Variants in ZFHX3 observed in about 807,000 individuals in gnomAD.
The protein encoded by ZFHX3 is zinc finger homeobox 3.
ZFHX3 carries 42 observed loss-of-function variants against 279.1 expected under a neutral mutation model. That is an observed-to-expected ratio of 0.15 (90% CI 0.12 to 0.19). The LOEUF (loss-of-function observed/expected upper bound fraction) is 0.19. Ranked by LOEUF, ZFHX3 falls within the 10% of genes least tolerant of loss-of-function variation. ZFHX3 has a pLI of 1.00. For synonymous variants in ZFHX3, 2,293 were observed against 1,957.8 expected, an observed-to-expected ratio of 1.17 and a Z score of -4.52; for missense variants, 4,981 against 4,754.0, an observed-to-expected ratio of 1.05 and a Z score of -1.40.
chr16:73,515,781 T>A (rs2019510632), intron 2 of ZFHX3, among the ~76,000 whole-genome samples: 2 of 152,218 alleles, frequency 1.3e-5, no homozygotes, highest in African/African-American at 2.4e-5. Flanking sequence ...GAGACGTTTC[T>A]TGGAGCCGTA....
At chr16:73,028,439 A>G (rs1464629511) in intron 1 of ZFHX3, among the ~76,000 whole-genome samples, 4 of 152,136 alleles carry the variant, frequency 2.6e-5, no homozygotes, top group Non-Finnish European at 5.9e-5. Context: ...AGGGCTCCAG[A>G]GCCCGGGGCA....
Position 72,889,978 on chromosome 16 carries a change from G to T in ZFHX3, c.3217-16C>A. On this transcript the variant is annotated splice_polypyrimidine_tract_variant and intron_variant, in intron 3 of 9. Coordinates refer to ENST00000268489, the MANE Select transcript of ZFHX3 (RefSeq NM_006885.4). Reference sequence around the variant, plus strand: ...GCTGCAGGTGCTGCAAGTAACAAAAGAGAAAGACATGCCTTGGGTAAGCCA... The same window carrying T: ...GCTGCAGGTGCTGCAAGTAACAAAATAGAAAGACATGCCTTGGGTAAGCCA... The T allele has an allele frequency of 6.2e-7, 1 of 1,607,450 alleles. No individual in the cohort carries two copies. The highest frequency in any genetic ancestry group is 8.5e-7 in the Non-Finnish European group (1 of 1,177,704).
chr16:73,000,711 A>G (rs965069889), intron 1 of ZFHX3, among the ~76,000 whole-genome samples: 1 of 152,206 alleles, frequency 6.6e-6, no homozygotes, highest in Non-Finnish European at 1.5e-5. Context: ...TACGCTAGAC[A>G]TGCCACACCC....
intron 2 of ZFHX3, among the ~76,000 whole-genome samples, chr16:73,486,069 CAGA>C (rs1337179229): frequency 6.6e-6 from 1 of 152,174 alleles, no homozygotes; most frequent in Non-Finnish European, 1.5e-5. Context: ...TCTGATTATT[CAGA>C]AGCTTAATTG....
intron 2 of ZFHX3, among the ~76,000 whole-genome samples, chr16:73,540,334 A>G (rs1401739926): frequency 6.6e-6 from 1 of 152,236 alleles, no homozygotes; most frequent in African/African-American, 2.4e-5. Flanking sequence ...AAATAGTTAA[A>G]GTCACTTTAA....
At chr16:73,867,982 C>T (rs759574818) in intron 1 of ZFHX3, among the ~76,000 whole-genome samples, 47 of 152,192 alleles carry the variant, frequency 3.1e-4, no homozygotes, top group Non-Finnish European at 1.3e-4. Context: ...TTCTCCCTAG[C>T]GCTGGGTGCC....
At chr16:73,356,202 G>A (rs1187216461) in intron 3 of ZFHX3, among the ~76,000 whole-genome samples, 1 of 152,172 alleles carries the variant, frequency 6.6e-6, no homozygotes, top group East Asian at 1.9e-4. Flanking sequence ...CACTGGATAA[G>A]CTACTTCGGT....
At position 72,950,866 on chromosome 16, in the gene ZFHX3, G is replaced by A. The variant is rs769225828; in HGVS notation, c.2819C>T (p.Pro940Leu). The change falls in exon 3 of 10, where the codon CCG (proline) becomes CTG (leucine). Residue 940 changes from proline (P) to leucine (L), a missense_variant. By Grantham distance (98) the Pro-to-Leu change is moderately conservative (BLOSUM62 -3). Around this residue, in one of 7 missense-constraint regions of ZFHX3, gnomAD observed 1,751 missense variants for 1,770.0 expected, o/e 0.99. Coordinates refer to ENST00000268489, the MANE Select transcript of ZFHX3 (RefSeq NM_006885.4). ...GGCGCACTGGAAGAGCTTCAGCGAC[G>A]GGTCGTTGGTCTGGATGAAGCTCTC... ...LGESFIQTNDPSLKLFQCAVC... is the reference protein window; with the variant it reads ...LGESFIQTNDLSLKLFQCAVC... The A allele has an allele frequency of 1.1e-5, 17 of 1,613,888 alleles. No individual in the cohort carries two copies. The highest frequency in any genetic ancestry group is 9.3e-5 in the African/African-American group (7 of 74,916).
intron 2 of ZFHX3, among the ~76,000 whole-genome samples, chr16:73,532,309 C>A (rs1030816902): frequency 2.1e-4 from 32 of 151,950 alleles, no homozygotes; most frequent in Admixed American, 4.6e-4. Context: ...ATGGGGAGAC[C>A]CTTTTCGTTT....
chr16:73,014,302 AT>A (rs111944167), intron 1 of ZFHX3: 59,215 of 140,772 alleles, frequency 0.42, 11,867 homozygotes, highest in Non-Finnish European at 0.46. Flanking sequence ...GGTTTTTTGC[AT>A]TTTTTTTTTT....
intron 3 of ZFHX3, among the ~76,000 whole-genome samples, chr16:73,407,535 A>G (rs2017385424): frequency 6.6e-6 from 1 of 152,178 alleles, no homozygotes; most frequent in Admixed American, 6.5e-5. Context: ...GTACAGTTCA[A>G]TGACTTGCAA....
At chr16:73,122,562 T>C (rs1489825499) in intron 7 of ZFHX3, among the ~76,000 whole-genome samples, 2 of 152,088 alleles carry the variant, frequency 1.3e-5, no homozygotes, top group East Asian at 3.9e-4. Context: ...GGAGGTCAAG[T>C]CTTTTGGCTG....
intron 5 of ZFHX3, among the ~76,000 whole-genome samples, chr16:73,150,018 C>T (rs1191082861): frequency 1.3e-5 from 2 of 152,098 alleles, no homozygotes; most frequent in African/African-American, 4.8e-5. Flanking sequence ...CAGTTTGATT[C>T]CAGAATGGTC....
At chr16:73,798,680 C>T (rs427478) in intron 1 of ZFHX3, among the ~76,000 whole-genome samples, 57,782 of 151,868 alleles carry the variant, frequency 0.38, 11,530 homozygotes, top group African/African-American at 0.52. Flanking sequence ...TTGTACATCA[C>T]AGATGACAGA....
In ZFHX3 at chr16:72,788,630, C is replaced by T; in HGVS notation, c.9646G>A (p.Ala3216Thr). Residue 3216 changes from alanine to threonine, a missense_variant, in exon 10 of 10, where the codon GCC becomes ACC. Physicochemically the swap from Ala to Thr is moderately conservative, Grantham distance 58. This residue lies in a region of ZFHX3 where 1,034 missense variants were observed against 786.0 expected (regional missense o/e 1.32). Transcript: ENST00000268489. ...AGCTGTGGTGTGGGTGGCGGCTGGG[C>T]TGCTGGCGGCGGGGGAGGCTGCTGC... ...QVQQPPPPPAAQPPPTPQLPL... is the reference protein window; with the variant it reads ...QVQQPPPPPATQPPPTPQLPL... 2 of 1,613,244 alleles carry T rather than the reference C, an allele frequency of 1.2e-6. No homozygotes were observed. The highest frequency in any genetic ancestry group is 1.7e-6 in the Non-Finnish European group (2 of 1,179,698).
At chr16:72,801,339 T>G (rs1224260607) in intron 7 of ZFHX3, among the ~76,000 whole-genome samples, 5 of 152,200 alleles carry the variant, frequency 3.3e-5, no homozygotes, top group Admixed American at 3.3e-4. Context: ...TTGGAATACG[T>G]AGATTTCTGT....
intron 5 of ZFHX3, among the ~76,000 whole-genome samples, chr16:72,826,344 T>C (rs1253563206): frequency 6.6e-6 from 1 of 152,158 alleles, no homozygotes; most frequent in South Asian, 2.1e-4. Flanking sequence ...TCCAGGCCCA[T>C]CTGAAATATT....
intron 4 of ZFHX3, among the ~76,000 whole-genome samples, chr16:72,843,250 C>T (rs1482766768): frequency 6.6e-6 from 1 of 151,972 alleles, no homozygotes; most frequent in African/African-American, 2.4e-5. Flanking sequence ...GTGGCTCACA[C>T]CTGTAATCTC....
At chr16:73,838,550 T>G (rs560602485) in intron 1 of ZFHX3, among the ~76,000 whole-genome samples, 1 of 152,176 alleles carries the variant, frequency 6.6e-6, no homozygotes, top group Non-Finnish European at 1.5e-5. Context: ...AAAACATAAG[T>G]TTGAAAGACC....
Sources: allele counts gnomAD v4.1 joint callset (sites outside exome capture counted in the v4.1 genomes callset), GRCh38; gene constraint gnomAD v4.1.1; regional missense constraint gnomAD v4.1.1; transcripts MANE v1.5; gene names NCBI Gene and HGNC (gene_info 2026-07-23, HGNC 2026-07-21).